SRPK2: variants seen among roughly 807,000 people sequenced by gnomAD.
SRPK2 encodes SRSF protein kinase 2, also known as SFRS protein kinase 2.
In SRPK2, 21 loss-of-function variants were observed where a neutral mutation model predicts 90.8. The observed-to-expected ratio is 0.23, with a 90% CI of 0.16 to 0.33. SRPK2 has a LOEUF of 0.33. SRPK2 is among the 10% of genes least tolerant of loss of function. The pLI, the probability that SRPK2 is intolerant of heterozygous loss-of-function variation, is 1.00. For missense variants in SRPK2, 620 were observed against 869.0 expected (o/e 0.71, Z 3.60); for synonymous variants, 288 against 311.1 (o/e 0.93, Z 0.78).
At chr7:105,229,475 G>A (rs1312250769) in intron 2 of SRPK2, among the ~76,000 whole-genome samples, 1 of 151,550 alleles carries the variant, frequency 6.6e-6, no homozygotes, top group East Asian at 1.9e-4. Flanking sequence ...AAAAAAAAAA[G>A]GCCATCCTTT....
At chr7:105,172,579 A>G (rs529160110) in intron 3 of SRPK2, among the ~76,000 whole-genome samples, 20 of 152,216 alleles carry the variant, frequency 1.3e-4, no homozygotes, top group Non-Finnish European at 2.9e-4. Context: ...CTGATCTACC[A>G]TAATTCTTGA....
intron 4 of SRPK2, among the ~76,000 whole-genome samples, chr7:105,168,480 G>A (rs568491810): frequency 6.6e-6 from 1 of 151,992 alleles, no homozygotes; most frequent in African/African-American, 2.4e-5. Flanking sequence ...TTCAGATAAG[G>A]GATATTCAAC....
At chr7:105,382,835 C>T (rs1222644679) in intron 2 of SRPK2, among the ~76,000 whole-genome samples, 3 of 152,054 alleles carry the variant, frequency 2.0e-5, no homozygotes, top group African/African-American at 7.2e-5. Flanking sequence ...ACAAGTGACA[C>T]AATTTGTTAG....
At chr7:105,272,238 ATTT>A (rs1805924434) in intron 2 of SRPK2, among the ~76,000 whole-genome samples, 2 of 152,194 alleles carry the variant, frequency 1.3e-5, no homozygotes, top group Non-Finnish European at 2.9e-5. Context: ...CAACCTGATT[ATTT>A]AACAGTTGTA....
At chr7:105,253,915 A>AC (rs1299776676) in intron 2 of SRPK2, among the ~76,000 whole-genome samples, 2 of 152,134 alleles carry the variant, frequency 1.3e-5, no homozygotes, top group East Asian at 3.8e-4. Flanking sequence ...AAACAAACAA[A>AC]AAAAAACAAG....
intron 2 of SRPK2, among the ~76,000 whole-genome samples, chr7:105,286,747 A>C (rs886851170): frequency 1.3e-5 from 2 of 152,236 alleles, no homozygotes; most frequent in Admixed American, 1.3e-4. Context: ...ACAATTAGTC[A>C]ATCATGCCAA....
rs149761038 is a variant in SRPK2 at position 105,259,546 on chromosome 7, A to C, written c.72-55761T>G. ...TGGGAAAAAAACTACTTTAAAGTTC[A>C]TATGGAACCAAAAAAGAGCCTGCAT... On this transcript the variant is annotated intron_variant, in intron 2 of 15. Coordinates refer to ENST00000393651, the MANE Select transcript of SRPK2 (RefSeq NM_182692.3). Among the ~76,000 whole-genome samples the C allele has an allele frequency of 1.5e-4, 23 of 152,354 alleles. No homozygotes were observed. In the East Asian group the frequency reaches 4.4e-3, roughly 29 times the overall value.
intron 7 of SRPK2, among the ~76,000 whole-genome samples, chr7:105,159,554 G>C (rs1429945308): frequency 6.8e-6 from 1 of 146,460 alleles, no homozygotes; most frequent in African/African-American, 2.5e-5. Flanking sequence ...AAATATCAAA[G>C]ATGCTTTTAC....
intron 2 of SRPK2, among the ~76,000 whole-genome samples, chr7:105,273,500 A>G (rs56281713): frequency 0.43 from 65,166 of 149,908 alleles, 15,518 homozygotes; most frequent in Non-Finnish European, 0.53. Flanking sequence ...ATCTCAGCTC[A>G]CTGCAACTTC....
Position 105,167,366 on chromosome 7 carries a change from G to T in SRPK2, c.514+11C>A. The T allele has an allele frequency of 6.2e-7, 1 of 1,603,812 alleles. No individual in the cohort carries two copies. Among genetic ancestry groups the T allele is most frequent in the East Asian group, 2.2e-5 (1 of 44,782 alleles). The stretch of plus-strand genomic sequence containing the variant: ...GGTAAAAATACAAATAAATCAGGAA[G>T]TAAAGGATACGTATCCCATTCATGC... On this transcript the variant is annotated intron_variant, in intron 6 of 15. Coordinates refer to ENST00000393651, the MANE Select transcript of SRPK2 (RefSeq NM_182692.3).
At chr7:105,260,387 G>T (rs2011442920) in intron 2 of SRPK2, among the ~76,000 whole-genome samples, 2 of 152,192 alleles carry the variant, frequency 1.3e-5, no homozygotes, top group South Asian at 4.1e-4. Context: ...GTAACAACAG[G>T]TGCTGGAGAG....
intron 2 of SRPK2, among the ~76,000 whole-genome samples, chr7:105,280,157 T>C (rs539075098): frequency 3.0e-4 from 46 of 152,320 alleles, no homozygotes; most frequent in African/African-American, 1.1e-3. Flanking sequence ...GGCTCACGCC[T>C]GTACCCCAGT....
intron 2 of SRPK2, among the ~76,000 whole-genome samples, chr7:105,337,117 AG>A (rs1272331783): frequency 1.3e-5 from 2 of 151,938 alleles, no homozygotes; most frequent in African/African-American, 2.4e-5. Context: ...AGATGACACC[AG>A]AAAAATTATG....
chr7:105,310,077 A>G (rs1389215649), intron 2 of SRPK2, among the ~76,000 whole-genome samples: 1 of 152,186 alleles, frequency 6.6e-6, no homozygotes, highest in Admixed American at 6.5e-5. Flanking sequence ...GGTCTAAGCC[A>G]AACAGAAAGG....
intron 2 of SRPK2, among the ~76,000 whole-genome samples, chr7:105,252,257 C>A (rs1297363569): frequency 6.6e-6 from 1 of 152,004 alleles, no homozygotes; most frequent in African/African-American, 2.4e-5. Context: ...GAAATAAACT[C>A]TTGCCTGTAA....
intron 2 of SRPK2, among the ~76,000 whole-genome samples, chr7:105,230,654 C>G (rs1051485140): frequency 5.9e-5 from 9 of 152,168 alleles, no homozygotes; most frequent in African/African-American, 2.2e-4. Flanking sequence ...ATCATATACA[C>G]AGATAAAGGA....
intron 2 of SRPK2, chr7:105,301,656 A>C (rs1810568919): frequency 3.1e-6 from 5 of 1,611,564 alleles, no homozygotes; most frequent in African/African-American, 2.7e-5. Flanking sequence ...AAGCCTTCTT[A>C]ATAGAGATTT....
chr7:105,301,288 A>G (rs1434145449), intron 2 of SRPK2, among the ~76,000 whole-genome samples: 1 of 7,370 alleles, frequency 1.4e-4, no homozygotes, highest in African/African-American at 4.4e-4. Flanking sequence ...TAAAAATACA[A>G]AAAAAAAAAA....
intron 2 of SRPK2, among the ~76,000 whole-genome samples, chr7:105,287,926 T>C (rs777569869): frequency 1.3e-5 from 2 of 152,174 alleles, no homozygotes; most frequent in Non-Finnish European, 2.9e-5. Flanking sequence ...TTAAAATACA[T>C]GCCTTTTGTG....
Sources: gnomAD v4.1 joint callset for allele counts (sites outside exome capture counted in the v4.1 genomes callset) on GRCh38, gnomAD v4.1.1 for gene constraint, MANE v1.5 for transcripts, NCBI Gene and HGNC (gene_info 2026-07-23, HGNC 2026-07-21) for gene names.